FOXP2: variants seen among roughly 807,000 people sequenced by gnomAD.
FOXP2 encodes forkhead box protein P2.
A neutral mutation model predicts 115.8 loss-of-function variants in FOXP2; 12 were observed. The ratio of observed to expected loss-of-function variants is 0.10; its 90% CI spans 0.07 to 0.17. The LOEUF is 0.17. FOXP2 is among the 10% of genes least tolerant of loss of function. The pLI is 1.00. For missense variants in FOXP2, 629 were observed against 843.5 expected (o/e 0.75, Z 3.15); for synonymous variants, 328 against 297.7 (o/e 1.10, Z -1.05).
chr7:114,547,230 G>C (rs746019760), intron 3 of FOXP2, among the ~76,000 whole-genome samples: 1 of 151,992 alleles, frequency 6.6e-6, no homozygotes, highest in Non-Finnish European at 1.5e-5. Flanking sequence ...AATAACAATT[G>C]ATTCTTTTTT....
At chr7:114,338,835 T>A (rs113939847) in intron 2 of FOXP2, among the ~76,000 whole-genome samples, 9,376 of 150,690 alleles carry the variant, frequency 0.062, 350 homozygotes, top group Middle Eastern at 0.15. Flanking sequence ...AGTCACAATT[T>A]AAAAGGGTAT....
intron 2 of FOXP2, among the ~76,000 whole-genome samples, chr7:114,524,092 C>G (rs974318619): frequency 6.6e-6 from 1 of 152,044 alleles, no homozygotes; most frequent in African/African-American, 2.4e-5. Context: ...GAAAATAGTA[C>G]ATATTGTTTA....
Position 114,549,020 on chromosome 7 carries a change from A to G in FOXP2, c.258+14314A>G, listed in dbSNP as rs543421109. ...CCTCCCAGCTTTAGTGAAGTAAGAC[A>G]TGTTCCATAAATTCTCTGTATTTCC... is the stretch of plus-strand genomic sequence containing the variant. On this transcript the variant is annotated intron_variant, in intron 3 of 16. Coordinates refer to ENST00000350908, the MANE Select transcript of FOXP2 (RefSeq NM_014491.4). 3.9e-5 allele frequency among the ~76,000 whole-genome samples: 6 copies of G among 152,320 alleles called. No homozygotes were observed. In the East Asian group the frequency reaches 9.6e-4, roughly 24 times the overall value.
At chr7:114,465,219 C>T (rs924522357) in intron 2 of FOXP2, among the ~76,000 whole-genome samples, 2 of 152,164 alleles carry the variant, frequency 1.3e-5, no homozygotes, top group African/African-American at 4.8e-5. Context: ...CCCTCCTCAG[C>T]CTCCCTAAGT....
intron 2 of FOXP2, among the ~76,000 whole-genome samples, chr7:114,352,705 C>A (rs1791522580): frequency 6.6e-6 from 1 of 152,012 alleles, no homozygotes; most frequent in African/African-American, 2.4e-5. Context: ...ACACTAATGA[C>A]CTCATTTTAA....
intron 1 of FOXP2, among the ~76,000 whole-genome samples, chr7:114,145,054 A>C (rs1412054523): frequency 6.6e-6 from 1 of 152,136 alleles, no homozygotes; most frequent in Non-Finnish European, 1.5e-5. Flanking sequence ...TAAAGCAGGG[A>C]ATTGAGCACT....
At chr7:114,689,481 CATGTT>C (rs570654020) in intron 16 of FOXP2, among the ~76,000 whole-genome samples, 26 of 152,220 alleles carry the variant, frequency 1.7e-4, no homozygotes, top group African/African-American at 6.3e-4. Context: ...CCTTGATTAT[CATGTT>C]ATAACAAATA....
intron 1 of FOXP2, among the ~76,000 whole-genome samples, chr7:114,167,661 G>A (rs1793017994): frequency 6.6e-6 from 1 of 152,140 alleles, no homozygotes; most frequent in African/African-American, 2.4e-5. Flanking sequence ...TTGGGGCTGG[G>A]CATGGTGGCT....
At chr7:114,341,912 C>T (rs1791226175) in intron 2 of FOXP2, among the ~76,000 whole-genome samples, 1 of 151,336 alleles carries the variant, frequency 6.6e-6, no homozygotes, top group South Asian at 2.1e-4. Flanking sequence ...CCAAAGTCTA[C>T]TTGATTCTTA....
intron 2 of FOXP2, among the ~76,000 whole-genome samples, chr7:114,526,903 A>G (rs578140135): frequency 6.6e-6 from 1 of 152,156 alleles, no homozygotes; most frequent in East Asian, 1.9e-4. Context: ...ATTCCAGAAC[A>G]TTCTCATCAC....
At chr7:114,240,988 A>G (rs2129167566) in intron 1 of FOXP2, among the ~76,000 whole-genome samples, 1 of 152,156 alleles carries the variant, frequency 6.6e-6, no homozygotes, top group South Asian at 2.1e-4. Context: ...AAAGATGTCA[A>G]GTATTTCATG....
At chr7:114,116,559 A>C (rs996566311) in intron 1 of FOXP2, among the ~76,000 whole-genome samples, 3 of 152,106 alleles carry the variant, frequency 2.0e-5, no homozygotes, top group Non-Finnish European at 4.4e-5. Context: ...GACAGCTGTA[A>C]ATGAGAATAG....
At chr7:114,216,751 A>G (rs1239480579) in intron 1 of FOXP2, among the ~76,000 whole-genome samples, 1 of 152,114 alleles carries the variant, frequency 6.6e-6, no homozygotes, top group Non-Finnish European at 1.5e-5. Flanking sequence ...GATCATTATT[A>G]CGAGATAAAA....
At chr7:114,250,326 G>A (rs1795407486) in intron 1 of FOXP2, among the ~76,000 whole-genome samples, 1 of 152,174 alleles carries the variant, frequency 6.6e-6, no homozygotes, top group Non-Finnish European at 1.5e-5. Context: ...TGGGATGGCT[G>A]GGTCAAATGG....
intron 1 of FOXP2, among the ~76,000 whole-genome samples, chr7:114,165,539 T>A (rs1009152031): frequency 1.3e-5 from 2 of 152,122 alleles, no homozygotes; most frequent in African/African-American, 4.8e-5. Context: ...ACCAAAAAGA[T>A]AAATACTTAG....
At chr7:114,387,219 T>C (rs906465813) in intron 2 of FOXP2, among the ~76,000 whole-genome samples, 10 of 152,218 alleles carry the variant, frequency 6.6e-5, no homozygotes, top group Non-Finnish European at 1.5e-4. Context: ...TTCACTTGGA[T>C]TTTGATAACA....
intron 1 of FOXP2, among the ~76,000 whole-genome samples, chr7:114,098,675 G>A (rs1799705586): frequency 6.6e-6 from 1 of 152,004 alleles, no homozygotes. Flanking sequence ...TTTTTTGGAA[G>A]TCACACCAAA....
chr7:114,088,799 G>A (rs969210479), intron 1 of FOXP2, among the ~76,000 whole-genome samples: 17 of 151,580 alleles, frequency 1.1e-4, no homozygotes, highest in African/African-American at 4.1e-4. Context: ...TAAATGTAGT[G>A]TTTGTTTAAT....
intron 2 of FOXP2, among the ~76,000 whole-genome samples, chr7:114,342,289 T>C (rs909644394): frequency 6.6e-6 from 1 of 151,290 alleles, no homozygotes; most frequent in African/African-American, 2.4e-5. Context: ...ATCTCCAAAT[T>C]TGTCTATAAT....
Sources: allele counts gnomAD v4.1 joint callset (sites outside exome capture counted in the v4.1 genomes callset), GRCh38; gene constraint gnomAD v4.1.1; transcripts MANE v1.5; gene names NCBI Gene and HGNC (gene_info 2026-07-23, HGNC 2026-07-21).